Variants in POTEJ observed in about 807,000 individuals in gnomAD.
POTEJ encodes the protein POTE ankyrin domain family, member J.
POTEJ carries 11 observed loss-of-function variants against 69.0 expected under a neutral mutation model. The observed-to-expected ratio is 0.16, with a 90% CI of 0.10 to 0.26. POTEJ has a LOEUF of 0.26. Among genes scored for constraint, POTEJ ranks in the 10% least tolerant of loss-of-function variants. POTEJ has a pLI of 1.00. For missense variants in POTEJ, 327 were observed against 1,045.5 expected, an observed-to-expected ratio of 0.31 and a Z score of 9.48; for synonymous variants, 117 against 381.1, an observed-to-expected ratio of 0.31 and a Z score of 8.07.
intron 5 of POTEJ, chr2:130,622,937 A>G (rs1407740372): frequency 6.9e-6 from 1 of 144,232 alleles, no homozygotes; most frequent in Non-Finnish European, 1.5e-5. Flanking sequence ...GAAGCATTCC[A>G]TATTTTGTGC....
chr2:130,640,838 T>A (rs1458521769), intron 10 of POTEJ, among the ~76,000 whole-genome samples: 2 of 152,218 alleles, frequency 1.3e-5, no homozygotes, highest in East Asian at 1.9e-4. Flanking sequence ...CCCAATAGAC[T>A]TATGTTTTTT....
intron 9 of POTEJ, among the ~76,000 whole-genome samples, chr2:130,637,604 A>G (rs1686148092): frequency 6.6e-6 from 1 of 152,260 alleles, no homozygotes; most frequent in African/African-American, 2.4e-5. Flanking sequence ...CGCAATAAAA[A>G]TAGTCATGTA....
rs1452150994 is a variant in POTEJ at position 130,631,758 on chromosome 2, G to C, written c.1131+305G>C. On this transcript the variant is annotated intron_variant, in intron 8 of 14. Transcript: ENST00000409602. ...CTTGGTTTTAGTCTGATTATCAATA[G>C]ATAATGTGGCTAAAGAAGATAGCTT... Among the ~76,000 whole-genome samples the C allele has an allele frequency of 1.1e-4, 15 of 141,820 alleles. 2 individuals are homozygous for C. Among genetic ancestry groups the C allele is most frequent in the Admixed American group, 1.0e-3 (15 of 14,348 alleles). The allele number at this position is 141,820 out of a possible 152,430, so 93.0% of individuals were successfully genotyped here.
At chr2:130,627,444 A>G (rs1315399811) in intron 6 of POTEJ, among the ~76,000 whole-genome samples, 1 of 141,554 alleles carries the variant, frequency 7.1e-6, no homozygotes, top group African/African-American at 2.9e-5. Context: ...ACTCTCCATG[A>G]CCTGTGTGAG....
chr2:130,637,514 A>G (rs1380841593), intron 9 of POTEJ, among the ~76,000 whole-genome samples: 1 of 151,658 alleles, frequency 6.6e-6, no homozygotes, highest in African/African-American at 2.4e-5. Context: ...AGGTCATTTG[A>G]CTGTTTGCTG....
In POTEJ at chr2:130,631,954, A is replaced by G. The variant is rs138515897; in HGVS notation, c.1131+501A>G. ...CAGTGAGCACCATCATGTTTTTGAT[A>G]TCTCAGCAACCAAATGAAAAAAGAA... On this transcript the variant is annotated intron_variant, in intron 8 of 14. Coordinates refer to ENST00000409602, the MANE Select transcript of POTEJ (RefSeq NM_001277083.2). Among the ~76,000 whole-genome samples the G allele has an allele frequency of 7.9e-3, 1,135 of 143,434 alleles. 225 individuals are homozygous for G. Among genetic ancestry groups the G allele is most frequent in the African/African-American group, 0.029 (1,064 of 36,118 alleles). The allele number at this position is 143,434 out of a possible 152,430, so 94.1% of individuals were successfully genotyped here. A position where few individuals can be genotyped will look rare whatever the true frequency, so the allele number is the denominator to read the frequency against.
chr2:130,620,709 G>A, intron 4 of POTEJ, among the ~76,000 whole-genome samples: 1 of 95,118 alleles, frequency 1.1e-5, no homozygotes, highest in South Asian at 3.5e-4. Context: ...AGTGTATTTT[G>A]GTGTTTTTAG....
At chr2:130,641,975 A>C (rs1383574188) in intron 10 of POTEJ, among the ~76,000 whole-genome samples, 3 of 152,000 alleles carry the variant, frequency 2.0e-5, no homozygotes, top group Admixed American at 1.3e-4. Context: ...AGGGAATGAT[A>C]CTCTCCATGA....
intron 9 of POTEJ, among the ~76,000 whole-genome samples, chr2:130,634,207 C>G (rs1225594479): frequency 2.6e-5 from 4 of 152,192 alleles, no homozygotes; most frequent in Admixed American, 2.0e-4. Flanking sequence ...AAGGAAGGTG[C>G]TGCAAGTGAA....
intron 13 of POTEJ, among the ~76,000 whole-genome samples, chr2:130,647,620 C>G (rs1410405856): frequency 6.7e-4 from 100 of 150,216 alleles, no homozygotes; most frequent in South Asian, 3.7e-3. Context: ...GATCATGGCT[C>G]ACTGCAGCCT....
chr2:130,627,254 C>G (rs1423973834), intron 6 of POTEJ, among the ~76,000 whole-genome samples: 1 of 151,284 alleles, frequency 6.6e-6, no homozygotes, highest in Non-Finnish European at 1.5e-5. Flanking sequence ...TAACTCGCAT[C>G]CTACTAGTTT....
rs538139367 is a variant in POTEJ at position 130,613,314 on chromosome 2, A to G, written c.410+1372A>G. ...CATATATATACATATGTATATATACATATATATACATATGTATATATACAT... is the reference window on the plus strand; with the variant it reads ...CATATATATACATATGTATATATACGTATATATACATATGTATATATACAT... On this transcript the variant is annotated intron_variant, in intron 1 of 14. Transcript: ENST00000409602. Among the ~76,000 whole-genome samples, 1,030 of 107,802 alleles carry G rather than the reference A, an allele frequency of 9.6e-3. 21 individuals are homozygous for G. The highest frequency in any genetic ancestry group is 0.038 in the Admixed American group (423 of 11,172). 70.7% of individuals were successfully genotyped at this position (107,802 alleles called of 152,430 possible).
rs1383184917 is a variant in POTEJ at position 130,632,904 on chromosome 2, C to A, written c.1298+248C>A. ...TTTCTTTTCTTTTTAGTGAACTTTT[C>A]TTTTAGTTTCAGGGGTACATGTGCA... On this transcript the variant is annotated intron_variant, in intron 9 of 14. Coordinates refer to ENST00000409602, the MANE Select transcript of POTEJ (RefSeq NM_001277083.2). Among the ~76,000 whole-genome samples the A allele has an allele frequency of 2.9e-4, 42 of 146,764 alleles. No homozygotes were observed. The East Asian group carries it at 8.1e-3, about 28-fold the overall frequency.
intron 10 of POTEJ, among the ~76,000 whole-genome samples, chr2:130,643,229 A>T (rs1159963928): frequency 6.9e-6 from 1 of 144,994 alleles, no homozygotes; most frequent in Non-Finnish European, 1.5e-5. Context: ...TTCACATAGC[A>T]TTGTTTCAAA....
At chr2:130,612,392 C>T (rs1435974036) in intron 1 of POTEJ, among the ~76,000 whole-genome samples, 2 of 149,518 alleles carry the variant, frequency 1.3e-5, no homozygotes, top group African/African-American at 4.9e-5. Context: ...TAAATACGTT[C>T]TTTACTGAGG....
intron 10 of POTEJ, among the ~76,000 whole-genome samples, chr2:130,641,240 G>C (rs1438525775): frequency 5.9e-5 from 9 of 152,270 alleles, no homozygotes; most frequent in South Asian, 2.1e-4. Context: ...AGGAGACAAA[G>C]GAAGTTTTTG....
chr2:130,639,113 TGA>T (rs1212071349), intron 10 of POTEJ, among the ~76,000 whole-genome samples: 23 of 152,276 alleles, frequency 1.5e-4, no homozygotes, highest in Non-Finnish European at 1.2e-4. Context: ...GGCTGCAATA[TGA>T]GCCATAAGGA....
At chr2:130,644,498 T>A (rs1271117291) in intron 11 of POTEJ, among the ~76,000 whole-genome samples, 1 of 152,264 alleles carries the variant, frequency 6.6e-6, no homozygotes, top group Non-Finnish European at 1.5e-5. Context: ...TTTTAATAGA[T>A]TCTTAAAATT....
intron 9 of POTEJ, among the ~76,000 whole-genome samples, chr2:130,637,104 C>G (rs1434126004): frequency 4.7e-5 from 7 of 149,330 alleles, no homozygotes; most frequent in African/African-American, 1.7e-4. Context: ...ACAAGTTTGA[C>G]ATGGTTCTTT....
Sources: allele counts gnomAD v4.1 joint callset (sites outside exome capture counted in the v4.1 genomes callset), GRCh38; gene constraint gnomAD v4.1.1; transcripts MANE v1.5; gene names NCBI Gene and HGNC (gene_info 2026-07-23, HGNC 2026-07-21).